PRR12: variants seen among roughly 807,000 people sequenced by gnomAD.
The protein encoded by PRR12 is proline rich 12.
A neutral mutation model predicts 138.0 loss-of-function variants in PRR12; 12 were observed. That is an observed-to-expected ratio of 0.09 (90% CI 0.06 to 0.14). The LOEUF is 0.14. Among genes scored for constraint, PRR12 ranks in the 10% least tolerant of loss-of-function variants. The pLI is 1.00. For synonymous variants in PRR12, 1,567 were observed against 1,291.7 expected, an observed-to-expected ratio of 1.21 and a Z score of -4.57; for missense variants, 2,692 against 2,861.3, an observed-to-expected ratio of 0.94 and a Z score of 1.35.
At chr19:49,600,496 C>T (rs1052894123) in intron 5 of PRR12, among the ~76,000 whole-genome samples, 29 of 144,940 alleles carry the variant, frequency 2.0e-4, no homozygotes, top group African/African-American at 7.1e-4. Flanking sequence ...AAAAAAAAAA[C>T]CATGACAGGC....
In PRR12 at chr19:49,597,821, G is replaced by A. The variant is rs1199522259; in HGVS notation, c.3486G>A (p.Ala1162=). ...PRRRGRKPTK[A]KRDGPPRPRG... ...GCCGTGGCCGCAAGCCCACGAAGGC[G>A]AAACGTGATGGGCCACCCCGGCCAC... The change falls in exon 4 of 14, where the codon GCG becomes GCA. Residue 1162 remains alanine, a synonymous_variant. Coordinates refer to ENST00000418929, the MANE Select transcript of PRR12 (RefSeq NM_020719.3). The surrounding 1 kb of genome is among the most constrained non-coding windows in gnomAD (Gnocchi z 6.3). 7.2e-6 allele frequency: 11 copies of A among 1,537,072 alleles called. No homozygotes were observed. Among genetic ancestry groups the A allele is most frequent in the Middle Eastern group, 1.8e-4 (1 of 5,630 alleles).
chr19:49,593,860 C>G (rs987300378), intron 2 of PRR12, among the ~76,000 whole-genome samples: 1 of 152,132 alleles, frequency 6.6e-6, no homozygotes, highest in African/African-American at 2.4e-5. Context: ...CTTATTTTGC[C>G]CCATTGCCTT....
At position 49,597,011 on chromosome 19, in the gene PRR12, GGCGCCTGGGGATACTGGCGTAGGCCCA is replaced by G; in HGVS notation, c.2677_2703del (p.Ala893_Pro901del). The G allele has an allele frequency of 6.4e-7, 1 of 1,556,942 alleles. No individual in the cohort carries two copies. Among genetic ancestry groups the G allele is most frequent in the Middle Eastern group, 1.7e-4 (1 of 5,884 alleles). On this transcript the variant is annotated inframe_deletion, in exon 4 of 14. Transcript: ENST00000418929. This position sits in a 1 kb window ranked among gnomAD's most constrained non-coding sequence, Gnocchi z 6.3. ...TCGGGGCTCTGGAGCCGCTGCCCCC[GGCGCCTGGGGATACTGGCGTAGGCCCA>G]CCAAACTCGGAGGGCAAGGATCCCG...
chr19:49,596,708 A>G lies in PRR12; in HGVS notation c.2373A>G (p.Pro791=). Residue 791 remains proline (P), a synonymous_variant, in exon 4 of 14, where the codon CCA becomes CCG. Coordinates refer to ENST00000418929, the MANE Select transcript of PRR12 (RefSeq NM_020719.3). The surrounding 1 kb of genome is among the most constrained non-coding windows in gnomAD (Gnocchi z 5.6). ...LLLEAGGPDL[P]LVLPPPPPQL... ...TGGAGGCCGGGGGCCCTGACCTCCC[A>G]CTGGTGCTGCCTCCGCCTCCCCCCC... is the stretch of plus-strand genomic sequence containing the variant. 6.2e-7 allele frequency: 1 copy of G among 1,602,418 alleles called. No individual in the cohort carries two copies. Among genetic ancestry groups the G allele is most frequent in the Non-Finnish European group, 8.5e-7 (1 of 1,178,082 alleles).
chr19:49,604,701 T>C (rs2080829461), intron 6 of PRR12, among the ~76,000 whole-genome samples: 1 of 151,984 alleles, frequency 6.6e-6, no homozygotes. Flanking sequence ...AAAAAAAGAA[T>C]ATTGACATTG....
At chr19:49,620,548 C>G in intron 10 of PRR12, 71 bp downstream of exon 10, 3 of 1,536,674 alleles carry the variant, frequency 2.0e-6, no homozygotes, top group Admixed American at 4.0e-5. Flanking sequence ...AGGGCTTGGA[C>G]GTGATGTGAG....
intron 6 of PRR12, among the ~76,000 whole-genome samples, chr19:49,609,598 CA>C (rs756447972): frequency 0.45 from 48,130 of 105,980 alleles, 9,165 homozygotes; most frequent in African/African-American, 0.61. Flanking sequence ...GAGACTGTCT[CA>C]AAAAAAAAAA....
chr19:49,596,180 C>T lies in PRR12; in HGVS notation c.1845C>T (p.Tyr615=). The change falls in exon 4 of 14, where the codon TAC becomes TAT. Residue 615 remains tyrosine, a synonymous_variant. Coordinates refer to ENST00000418929, the MANE Select transcript of PRR12 (RefSeq NM_020719.3). The surrounding 1 kb of genome is among the most constrained non-coding windows in gnomAD (Gnocchi z 5.6). ...GCTATGCAGCCGGAGCAGGTGGCTA[C>T]AAGGGCAAGGGGGATGGCTCGGAGC... ...AGSYAAGAGG[Y]KGKGDGSELL... 1 of 1,610,084 alleles carries T rather than the reference C, an allele frequency of 6.2e-7. No individual in the cohort carries two copies. The highest frequency in any genetic ancestry group is 1.1e-5 in the South Asian group (1 of 91,086).
At chr19:49,604,591 T>C (rs185631726) in intron 6 of PRR12, among the ~76,000 whole-genome samples, 2 of 151,902 alleles carry the variant, frequency 1.3e-5, no homozygotes, top group African/African-American at 4.8e-5. Flanking sequence ...GGCAGGAGAA[T>C]TGCTTGAACC....
At position 49,596,948 on chromosome 19, in the gene PRR12, G is replaced by T. The variant is rs756745545; in HGVS notation, c.2613G>T (p.Glu871Asp). The change falls in exon 4 of 14, where the codon GAG becomes GAT. Residue 871 changes from glutamate to aspartate, a missense_variant. Glu to Asp is a conservative substitution (Grantham distance 45). This residue lies in a region of PRR12 where 840 missense variants were observed against 689.8 expected (regional missense o/e 1.22). Transcript: ENST00000418929. This position sits in a 1 kb window ranked among gnomAD's most constrained non-coding sequence, Gnocchi z 5.6. Reference protein sequence around the residue: ...PAAPSPRLRPEESLDPPGAMQ... With the variant: ...PAAPSPRLRPDESLDPPGAMQ... ...CCCCCAGCCCCCGCCTGCGACCCGA[G>T]GAGAGCCTGGATCCGCCAGGCGCCA... 2 of 1,551,092 alleles carry T rather than the reference G, an allele frequency of 1.3e-6. No individual in the cohort carries two copies. The highest frequency in any genetic ancestry group is 1.9e-5 in the Admixed American group (1 of 51,820).
rs748082709 is a variant in PRR12 at position 49,595,580 on chromosome 19, C to T, written c.1245C>T (p.Pro415=). 6.2e-7 allele frequency: 1 copy of T among 1,604,300 alleles called. No homozygotes were observed. Among genetic ancestry groups the T allele is most frequent in the Admixed American group, 1.7e-5 (1 of 58,940 alleles). Residue 415 remains proline, a synonymous_variant, in exon 4 of 14, where the codon CCC becomes CCT. Transcript: ENST00000418929. ...RPPPPRSTAT[P]KCQSLGGPAA... ...CCCCACCCCGTTCGACCGCCACCCC[C>T]AAATGTCAGAGCCTGGGTGGGCCAG...
At position 49,595,755 on chromosome 19, in the gene PRR12, A is replaced by G; in HGVS notation, c.1420A>G (p.Ser474Gly). Residue 474 changes from serine (S) to glycine (G), a missense_variant, in exon 4 of 14, where the codon AGC becomes GGC. Transcript: ENST00000418929. ...GQAQDLSKAP[S>G]YSGGPPQPPS... is the part of the protein sequence containing the mutation. ...GGCACAGGACTTGAGCAAAGCCCCC[A>G]GCTACTCAGGGGGCCCCCCACAGCC... 12 of 1,600,646 alleles carry G rather than the reference A, an allele frequency of 7.5e-6. No individual in the cohort carries two copies. Among genetic ancestry groups the G allele is most frequent in the Non-Finnish European group, 9.4e-6 (11 of 1,174,038 alleles).
At chr19:49,618,758 C>G (rs2080905326) in intron 9 of PRR12, among the ~76,000 whole-genome samples, 1 of 152,088 alleles carries the variant, frequency 6.6e-6, no homozygotes, top group African/African-American at 2.4e-5. Context: ...CCCCCATCCC[C>G]TCCACCCTTT....
chr19:49,591,624 C>A lies in PRR12; in HGVS notation c.-31C>A. 1 of 882,370 alleles carries A rather than the reference C, an allele frequency of 1.1e-6. No individual in the cohort carries two copies. Among genetic ancestry groups the A allele is most frequent in the Non-Finnish European group, 1.7e-6 (1 of 604,566 alleles). The allele number at this position is 882,370 out of a possible 1,614,324, so 54.7% of individuals were successfully genotyped here. ...GCCCCCTCCCTCCCTCCCTCCCTCC[C>A]CCTCCCCCCAATTTCCACCGCGGCC... On this transcript the variant is annotated 5_prime_UTR_variant, in exon 1 of 14. Transcript: ENST00000418929.
rs766777377 is a variant in PRR12, at chr19:49,596,857, C to G, written c.2522C>G (p.Pro841Arg). The G allele has an allele frequency of 6.3e-7, 1 of 1,576,126 alleles. No homozygotes were observed. Among genetic ancestry groups the G allele is most frequent in the East Asian group, 2.3e-5 (1 of 43,572 alleles). ...GAPQPPPPPP[P>R]PPPPMPLQLE... ...CCCCAGCCACCTCCACCGCCACCCC[C>G]GCCTCCACCACCCATGCCCCTGCAG... Residue 841 changes from proline (P) to arginine (R), a missense_variant, in exon 4 of 14, where the codon CCG (proline) becomes CGG (arginine). Pro to Arg is a moderately radical substitution (Grantham distance 103, BLOSUM62 -2). Around this residue, in one of 11 missense-constraint regions of PRR12, gnomAD observed 840 missense variants for 689.8 expected, o/e 1.22. Coordinates refer to ENST00000418929, the MANE Select transcript of PRR12 (RefSeq NM_020719.3). The surrounding 1 kb of genome is among the most constrained non-coding windows in gnomAD (Gnocchi z 5.6).
In PRR12 at chr19:49,597,431, T is replaced by G. The variant is rs763305472; in HGVS notation, c.3096T>G (p.Ser1032Arg). 2.2e-5 allele frequency: 34 copies of G among 1,537,918 alleles called. No individual in the cohort carries two copies. In the South Asian group the frequency reaches 3.9e-4, roughly 18 times the overall value. ...VNAEPLGLIQ[S>R]GPHQAAPPPP... is the part of the protein sequence containing the mutation. The stretch of plus-strand genomic sequence containing the variant: ...CCGAGCCGCTGGGCCTGATCCAGAG[T>G]GGCCCCCACCAGGCGGCGCCACCAC... Residue 1032 changes from serine (S) to arginine (R), a missense_variant, in exon 4 of 14, where the codon AGT becomes AGG. Ser to Arg is a moderately radical substitution (Grantham distance 110). Around this residue, in one of 11 missense-constraint regions of PRR12, gnomAD observed 840 missense variants for 689.8 expected, o/e 1.22. Transcript: ENST00000418929. This position sits in a 1 kb window ranked among gnomAD's most constrained non-coding sequence, Gnocchi z 6.3.
At chr19:49,624,809 G>C in intron 11 of PRR12, 35 bp from the exon 12 acceptor site, 2 of 1,601,824 alleles carry the variant, frequency 1.2e-6, no homozygotes, top group Non-Finnish European at 1.7e-6. Flanking sequence ...TATGGATCCA[G>C]GGCAGCATCC....
chr19:49,596,529 C>T lies in PRR12; in HGVS notation c.2194C>T (p.Pro732Ser), dbSNP rs1186176189. ...GAGGCTGAAGGAGAAGAAGAAAGGG[C>T]CAGAGCGGGGTGGCGAGACCCCCGA... is the stretch of plus-strand genomic sequence containing the variant. ...LGRLKEKKKG[P>S]ERGGETPEGL... is the part of the protein sequence containing the mutation. Residue 732 changes from proline to serine, a missense_variant, in exon 4 of 14, where the codon CCA becomes TCA. Coordinates refer to ENST00000418929, the MANE Select transcript of PRR12 (RefSeq NM_020719.3). The surrounding 1 kb of genome is among the most constrained non-coding windows in gnomAD (Gnocchi z 5.6). The T allele has an allele frequency of 6.2e-7, 1 of 1,609,222 alleles. No homozygotes were observed.
Position 49,613,768 on chromosome 19 carries a change from T to G in PRR12, c.4774-765T>G, listed in dbSNP as rs544830953. Among the ~76,000 whole-genome samples, 3 of 152,304 alleles carry G rather than the reference T, an allele frequency of 2.0e-5. No homozygotes were observed. In the South Asian group the frequency reaches 6.2e-4, roughly 32 times the overall value. The stretch of plus-strand genomic sequence containing the variant: ...AGAAGGCTTTTTCAGTGTCTTAGAC[T>G]CCTCAGGTTGCTATACCAGAATACC... On this transcript the variant is annotated intron_variant, in intron 6 of 13. Coordinates refer to ENST00000418929, the MANE Select transcript of PRR12 (RefSeq NM_020719.3).
Sources: allele counts gnomAD v4.1 joint callset (sites outside exome capture counted in the v4.1 genomes callset), GRCh38; gene constraint gnomAD v4.1.1; regional missense constraint gnomAD v4.1.1; non-coding constraint Gnocchi (gnomAD v3.1); transcripts MANE v1.5; gene names NCBI Gene and HGNC (gene_info 2026-07-23, HGNC 2026-07-21).